TBC1D10A: variants seen among roughly 807,000 people sequenced by gnomAD.
TBC1D10A encodes TBC1 domain family member 10A, also known as EBP50-PDX interactor of 64 kDa.
TBC1D10A carries 24 observed loss-of-function variants against 52.9 expected under a neutral mutation model. The observed-to-expected ratio is 0.45, with a 90% CI of 0.33 to 0.64. The LOEUF is 0.64. Ranked by LOEUF, TBC1D10A falls within the 30% of genes least tolerant of loss-of-function variation. The pLI, the probability that TBC1D10A is intolerant of heterozygous loss-of-function variation, is 0.02. For missense variants in TBC1D10A, 602 were observed against 687.9 expected (o/e 0.88, Z 1.40); for synonymous variants, 278 against 282.9 (o/e 0.98, Z 0.17).
At position 30,292,387 on chromosome 22, in the gene TBC1D10A, G is replaced by A. The variant is rs988674489; in HGVS notation, c.1515C>T (p.Asp505=). 2.6e-5 allele frequency: 40 copies of A among 1,550,598 alleles called. No individual in the cohort carries two copies. Among genetic ancestry groups the A allele is most frequent in the Admixed American group, 1.8e-4 (9 of 51,358 alleles). ...QESLTSQESE[D]TYL ...TTAGCTGCCAGGGTTACAAGTAGGT[G>A]TCCTCACTCTCTTGGGACGTCAAGC... The change falls in exon 9 of 9, where the codon GAC becomes GAT. Residue 505 remains aspartate, a synonymous_variant. Transcript: ENST00000215790.
intron 1 of TBC1D10A, among the ~76,000 whole-genome samples, chr22:30,324,370 T>C (rs1433964795): frequency 5.9e-5 from 9 of 152,292 alleles, no homozygotes; most frequent in Admixed American, 6.5e-5. Flanking sequence ...CATCGAAGCT[T>C]TCAGATACCA....
At chr22:30,293,626 G>A (rs374471509) in intron 8 of TBC1D10A, 25 bp downstream of exon 8, 5 of 1,587,938 alleles carry the variant, frequency 3.1e-6, no homozygotes, top group Non-Finnish European at 4.3e-6. Context: ...CCCTCCCCAT[G>A]ATAAGGGGCA....
rs754413591 is a variant in TBC1D10A, at chr22:30,292,794, G to T, written c.1108C>A (p.Arg370=). 1 of 1,612,012 alleles carries T rather than the reference G, an allele frequency of 6.2e-7. No homozygotes were observed. Among genetic ancestry groups the T allele is most frequent in the South Asian group, 1.1e-5 (1 of 91,016 alleles). The part of the protein sequence containing the change: ...QIEREHLIQL[R]RWQETRGELQ... The stretch of plus-strand genomic sequence containing the variant: ...TCACCCCGGGTCTCCTGCCAGCGCC[G>T]CAGCTGAATGAGGTGTTCGCGCTCA... The change falls in exon 9 of 9, where the codon CGG becomes AGG. Residue 370 remains arginine, a synonymous_variant. Coordinates refer to ENST00000215790, the MANE Select transcript of TBC1D10A (RefSeq NM_031937.3).
intron 3 of TBC1D10A, chr22:30,298,216 C>A (rs904108189): frequency 2.0e-5 from 3 of 152,280 alleles, no homozygotes; most frequent in African/African-American, 4.8e-5. Context: ...TGGACTTGGA[C>A]TGAGGTTCCC....
At chr22:30,294,546 T>G (rs1930031068) in intron 6 of TBC1D10A, among the ~76,000 whole-genome samples, 1 of 152,156 alleles carries the variant, frequency 6.6e-6, no homozygotes. Flanking sequence ...AGGGAAGAAC[T>G]TGGTGCCCTG....
At chr22:30,313,795 C>T (rs983280583) in intron 1 of TBC1D10A, among the ~76,000 whole-genome samples, 2 of 151,878 alleles carry the variant, frequency 1.3e-5, no homozygotes, top group Non-Finnish European at 2.9e-5. Context: ...GAATATGCTC[C>T]TCTACCTTGA....
rs547318495 is a variant in TBC1D10A at position 30,326,857 on chromosome 22, C to T, written c.25G>A (p.Gly9Arg). Residue 9 changes from glycine to arginine, a missense_variant, in exon 1 of 9, where the codon GGG becomes AGG. Around this residue, in one of 3 missense-constraint regions of TBC1D10A, gnomAD observed 201 missense variants for 204.4 expected, o/e 0.98. Transcript: ENST00000215790. ...TCCCCGGCCGCGGGCGCGCGCGGCC[C>T]ATTCTCTCCGTTGCTCTTCGCCATC... MAKSNGEN[G>R]PRAPAAGESL... The T allele has an allele frequency of 3.3e-6, 5 of 1,505,314 alleles. No homozygotes were observed. In the South Asian group the frequency reaches 6.2e-5, roughly 19 times the overall value. The allele number at this position is 1,505,314 out of a possible 1,614,324, so 93.2% of individuals were successfully genotyped here.
chr22:30,294,915 C>T (rs77539689), intron 5 of TBC1D10A, 26 bp downstream of exon 5: 4 of 1,613,900 alleles, frequency 2.5e-6, no homozygotes, highest in East Asian at 4.5e-5. Flanking sequence ...CACCCACCCC[C>T]CTGCCTGCCC....
At position 30,294,055 on chromosome 22, in the gene TBC1D10A, G is replaced by A. The variant is rs760326187; in HGVS notation, c.761C>T (p.Pro254Leu). 1.3e-5 allele frequency: 21 copies of A among 1,613,960 alleles called. No homozygotes were observed. The highest frequency in any genetic ancestry group is 1.6e-4 in the Middle Eastern group (1 of 6,084). Residue 254 changes from proline to leucine, a missense_variant, in exon 7 of 9, where the codon CCG becomes CTG. Transcript: ENST00000215790. ...ILFSLLQKVS[P>L]VAHKHLSRQK... The stretch of plus-strand genomic sequence containing the variant: ...ACGGCTGAGGTGCTTGTGGGCCACC[G>A]GCGACACCTTCTGCAACAGCGAGAA...
At chr22:30,320,982 A>G (rs567588990) in intron 1 of TBC1D10A, among the ~76,000 whole-genome samples, 38 of 152,222 alleles carry the variant, frequency 2.5e-4, no homozygotes, top group Non-Finnish European at 3.7e-4. Context: ...TGGCTGGGCC[A>G]CAGCCAGGCC....
At chr22:30,314,721 A>C (rs1930497590) in intron 1 of TBC1D10A, among the ~76,000 whole-genome samples, 1 of 151,354 alleles carries the variant, frequency 6.6e-6, no homozygotes, top group African/African-American at 2.4e-5. Context: ...CTGAGGTGGA[A>C]GATTGCTTGA....
chr22:30,323,397 A>G (rs1411166126), intron 1 of TBC1D10A, among the ~76,000 whole-genome samples: 2 of 152,222 alleles, frequency 1.3e-5, no homozygotes, highest in African/African-American at 4.8e-5. Flanking sequence ...GAGAGAGTCG[A>G]AAGTGCTGAG....
chr22:30,314,200 T>C (rs1050216463), intron 1 of TBC1D10A, among the ~76,000 whole-genome samples: 2 of 152,184 alleles, frequency 1.3e-5, no homozygotes, highest in Non-Finnish European at 2.9e-5. Flanking sequence ...CATCTCTCCC[T>C]CTGTCACTCA....
Position 30,293,918 on chromosome 22 carries a change from T to G in TBC1D10A, c.895+3A>C. The G allele has an allele frequency of 6.2e-7, 1 of 1,612,388 alleles. No individual in the cohort carries two copies. ...GGTGCTCCCCCCAAGCCCAGCCCAG[T>G]ACCTTCACAGAAGAACATGTCCCAG... On this transcript the variant is annotated splice_donor_region_variant and intron_variant, in intron 7 of 8. Coordinates refer to ENST00000215790, the MANE Select transcript of TBC1D10A (RefSeq NM_031937.3).
rs1929984601 is a variant in TBC1D10A at position 30,292,964 on chromosome 22, C to T, written c.1051-113G>A. 4 of 1,188,694 alleles carry T rather than the reference C, an allele frequency of 3.4e-6. No individual in the cohort carries two copies. The South Asian group carries it at 5.5e-5, about 16-fold the overall frequency. The allele number at this position is 1,188,694 out of a possible 1,614,324, so 73.6% of individuals were successfully genotyped here. On this transcript the variant is annotated intron_variant, in intron 8 of 8. Transcript: ENST00000215790. ...GCATCCCCCAGCCTTGGCCACTAAA[C>T]ACTGACCCCAGGAAGGATGAGGGTC...
rs372817108 is a variant in TBC1D10A at position 30,295,721 on chromosome 22, G to A, written c.524+16C>T. On this transcript the variant is annotated intron_variant, in intron 4 of 8. Coordinates refer to ENST00000215790, the MANE Select transcript of TBC1D10A (RefSeq NM_031937.3). ...CCTAGAGCCACCTCCCACCTCATGAGGCCCAGCCTGCTCACCCGTGGCCCC... is the reference window on the plus strand; with the variant it reads ...CCTAGAGCCACCTCCCACCTCATGAAGCCCAGCCTGCTCACCCGTGGCCCC... The A allele has an allele frequency of 2.5e-6, 4 of 1,613,522 alleles. No individual in the cohort carries two copies. In the African/African-American group the frequency reaches 4.0e-5, roughly 16 times the overall value.
At chr22:30,319,031 GTTC>G (rs1302250217) in intron 1 of TBC1D10A, among the ~76,000 whole-genome samples, 1 of 151,620 alleles carries the variant, frequency 6.6e-6, no homozygotes, top group African/African-American at 2.4e-5. Flanking sequence ...ACTGCCTCCC[GTTC>G]TTCTTGTCGT....
intron 8 of TBC1D10A, 46 bp downstream of exon 8, chr22:30,293,605 C>G: frequency 6.3e-7 from 1 of 1,575,674 alleles, no homozygotes; most frequent in African/African-American, 1.3e-5. Context: ...AGGACCCCCA[C>G]CTGTCTTCCT....
rs1930791272 is a variant in TBC1D10A at position 30,326,853 on chromosome 22, G to A, written c.29C>T (p.Pro10Leu). The A allele has an allele frequency of 2.7e-6, 4 of 1,492,226 alleles. No homozygotes were observed. Among genetic ancestry groups the A allele is most frequent in the South Asian group, 1.3e-5 (1 of 78,768 alleles). The allele number at this position is 1,492,226 out of a possible 1,614,324, so 92.4% of individuals were successfully genotyped here. ...GCTTTCCCCGGCCGCGGGCGCGCGC[G>A]GCCCATTCTCTCCGTTGCTCTTCGC... MAKSNGENG[P>L]RAPAAGESLS... Residue 10 changes from proline to leucine, a missense_variant, in exon 1 of 9, where the codon CCG (proline) becomes CTG (leucine). Transcript: ENST00000215790.
Sources: gnomAD v4.1 joint callset for allele counts (sites outside exome capture counted in the v4.1 genomes callset) on GRCh38, gnomAD v4.1.1 for gene constraint, gnomAD v4.1.1 regional missense constraint, MANE v1.5 for transcripts, NCBI Gene and HGNC (gene_info 2026-07-23, HGNC 2026-07-21) for gene names.